CNTLN: variants seen among roughly 807,000 people sequenced by gnomAD.
The protein encoded by CNTLN is centlein, centrosomal protein.
Under a neutral mutation model 180.0 loss-of-function variants are expected in CNTLN, and 212 were observed. The ratio of observed to expected loss-of-function variants is 1.18; its 90% confidence interval spans 1.05 to 1.32. The LOEUF (loss-of-function observed/expected upper bound fraction) is 1.32, where lower values mean the gene tolerates loss of function less well. Ranked by LOEUF, CNTLN falls within the 40% of genes most tolerant of loss-of-function variation. CNTLN has a pLI of 0.00. For missense variants in CNTLN, 2,095 were observed against 1,610.9 expected, an observed-to-expected ratio of 1.30 and a Z score of -5.14; for synonymous variants, 722 against 563.1, an observed-to-expected ratio of 1.28 and a Z score of -3.99.
chr9:17,229,289 G>A (rs557880093), intron 3 of CNTLN, among the ~76,000 whole-genome samples: 2 of 152,198 alleles, frequency 1.3e-5, no homozygotes, highest in South Asian at 4.1e-4. Flanking sequence ...CAGTCATGAA[G>A]TTTTAAAATG....
intron 2 of CNTLN, among the ~76,000 whole-genome samples, chr9:17,225,496 A>G (rs1824409127): frequency 6.6e-6 from 1 of 152,068 alleles, no homozygotes; most frequent in Non-Finnish European, 1.5e-5. Flanking sequence ...TAAAAAATGT[A>G]AATCAGTGTC....
At chr9:17,189,232 G>A (rs1315899057) in intron 2 of CNTLN, among the ~76,000 whole-genome samples, 1 of 149,732 alleles carries the variant, frequency 6.7e-6, no homozygotes, top group South Asian at 2.1e-4. Context: ...ACAGCTGCCC[G>A]CCACTACGCC....
chr9:17,242,925 G>C (rs1452770083), intron 5 of CNTLN, among the ~76,000 whole-genome samples: 3 of 152,236 alleles, frequency 2.0e-5, no homozygotes, highest in Non-Finnish European at 2.9e-5. Flanking sequence ...ATTGGTGTTA[G>C]CTCTTATTTA....
chr9:17,316,298 T>C (rs969239312), intron 8 of CNTLN, among the ~76,000 whole-genome samples: 1 of 152,058 alleles, frequency 6.6e-6, no homozygotes, highest in African/African-American at 2.4e-5. Context: ...TCGTTTTCCA[T>C]ACTTTTACAT....
Position 17,268,034 on chromosome 9 carries a change from A to G in CNTLN, c.850-5699A>G, listed in dbSNP as rs536272127. ...GACTGTTTGAAGCCTTCTTCTCTCAACTTGTCAAAGTCATTCTCCATCCAG... is the reference window on the plus strand; with the variant it reads ...GACTGTTTGAAGCCTTCTTCTCTCAGCTTGTCAAAGTCATTCTCCATCCAG... On this transcript the variant is annotated intron_variant, in intron 5 of 25. Transcript: ENST00000380647. Among the ~76,000 whole-genome samples the G allele has an allele frequency of 1.2e-4, 19 of 152,020 alleles. No individual in the cohort carries two copies. In the South Asian group the frequency reaches 2.5e-3, roughly 20 times the overall value.
chr9:17,205,125 G>A (rs1044149600), intron 2 of CNTLN, among the ~76,000 whole-genome samples: 2 of 152,084 alleles, frequency 1.3e-5, no homozygotes, highest in African/African-American at 2.4e-5. Context: ...GCTGGGCTCC[G>A]TGGGAGTGGG....
intron 13 of CNTLN, among the ~76,000 whole-genome samples, chr9:17,375,193 C>A (rs1824654672): frequency 6.6e-6 from 1 of 152,064 alleles, no homozygotes. Flanking sequence ...CACATGTTCT[C>A]ACTTATTGGT....
chr9:17,388,813 A>G (rs1825881609), intron 14 of CNTLN, among the ~76,000 whole-genome samples: 2 of 67,892 alleles, frequency 2.9e-5, no homozygotes, highest in Non-Finnish European at 7.3e-5. Flanking sequence ...TAACATGTCT[A>G]TCATTAATAG....
At chr9:17,479,512 AT>A (rs1475780752) in intron 23 of CNTLN, among the ~76,000 whole-genome samples, 3 of 152,148 alleles carry the variant, frequency 2.0e-5, no homozygotes, top group Admixed American at 2.0e-4. Context: ...AAAGAGTGGA[AT>A]GGTGTTTGGA....
chr9:17,391,415 G>C (rs182795352), intron 14 of CNTLN, among the ~76,000 whole-genome samples: 1 of 152,224 alleles, frequency 6.6e-6, no homozygotes, highest in East Asian at 1.9e-4. Flanking sequence ...CTTTAGAGGA[G>C]AAAAAGGGGA....
intron 13 of CNTLN, among the ~76,000 whole-genome samples, chr9:17,367,331 C>G (rs968237012): frequency 3.9e-5 from 6 of 152,206 alleles, no homozygotes; most frequent in Admixed American, 3.3e-4. Context: ...GACAATCACC[C>G]ATCCCAGTGG....
In CNTLN at chr9:17,309,262, A is replaced by G; in HGVS notation, c.1341+10A>G. 1.3e-6 allele frequency: 2 copies of G among 1,532,404 alleles called. No individual in the cohort carries two copies. The highest frequency in any genetic ancestry group is 1.8e-6 in the Non-Finnish European group (2 of 1,140,454). The allele number at this position is 1,532,404 out of a possible 1,614,324, so 94.9% of individuals were successfully genotyped here. On this transcript the variant is annotated intron_variant, in intron 8 of 25. Coordinates refer to ENST00000380647, the MANE Select transcript of CNTLN (RefSeq NM_017738.4). The stretch of plus-strand genomic sequence containing the variant: ...AGACTACTCAGCACAGGTGAGAGAC[A>G]TTTTCTAAAACTGTTATTCAGTGTA...
At chr9:17,147,400 CTTAA>C (rs1818529195) in intron 2 of CNTLN, among the ~76,000 whole-genome samples, 2 of 152,070 alleles carry the variant, frequency 1.3e-5, no homozygotes, top group African/African-American at 4.8e-5. Context: ...TGAATGGTTT[CTTAA>C]TTAATTGTTT....
At chr9:17,305,811 A>C (rs1245666942) in intron 7 of CNTLN, among the ~76,000 whole-genome samples, 2 of 152,130 alleles carry the variant, frequency 1.3e-5, no homozygotes, top group Non-Finnish European at 2.9e-5. Context: ...GAGTGATCTC[A>C]TTACTATTAA....
intron 2 of CNTLN, among the ~76,000 whole-genome samples, chr9:17,209,959 T>G (rs1013908161): frequency 6.6e-6 from 1 of 152,218 alleles, no homozygotes; most frequent in Non-Finnish European, 1.5e-5. Context: ...CAAGATCCAA[T>G]ATTTAACAGT....
At chr9:17,170,559 T>G (rs1163882999) in intron 2 of CNTLN, among the ~76,000 whole-genome samples, 1 of 152,106 alleles carries the variant, frequency 6.6e-6, no homozygotes, top group Non-Finnish European at 1.5e-5. Context: ...GTTTTTCAGT[T>G]CACAGATTCT....
intron 2 of CNTLN, among the ~76,000 whole-genome samples, chr9:17,192,906 C>T (rs116052690): frequency 0.021 from 3,135 of 152,172 alleles, 66 homozygotes; most frequent in African/African-American, 0.056. Flanking sequence ...AAAAGCAGTT[C>T]AGTTGGACTT....
At chr9:17,508,800 G>C (rs2134447497), downstream of CNTLN, among the ~76,000 whole-genome samples, 1 of 152,288 alleles carries the variant, frequency 6.6e-6, no homozygotes, top group East Asian at 1.9e-4. Context: ...ACCACAATTG[G>C]TTTATTCATT....
intron 8 of CNTLN, among the ~76,000 whole-genome samples, chr9:17,327,617 C>A (rs375874460): frequency 6.6e-6 from 1 of 151,376 alleles, no homozygotes; most frequent in Non-Finnish European, 1.5e-5. Context: ...TTACATTGAA[C>A]TCATAGTCAT....
Sources: gnomAD v4.1 joint callset for allele counts (sites outside exome capture counted in the v4.1 genomes callset) on GRCh38, gnomAD v4.1.1 for gene constraint, MANE v1.5 for transcripts, NCBI Gene and HGNC (gene_info 2026-07-23, HGNC 2026-07-21) for gene names.